Variants in TMEM132B observed in about 807,000 individuals in gnomAD.
TMEM132B encodes transmembrane protein 132B.
Under a neutral mutation model 90.8 loss-of-function variants are expected in TMEM132B, and 18 were observed. The observed-to-expected ratio is 0.20, with a 90% CI of 0.14 to 0.29. The LOEUF (loss-of-function observed/expected upper bound fraction) is 0.29. TMEM132B is among the 10% of genes least tolerant of loss of function. The pLI is 1.00. For synonymous variants in TMEM132B, 504 were observed against 523.3 expected (o/e 0.96, Z 0.50); for missense variants, 1,096 against 1,326.8 (o/e 0.83, Z 2.70).
At chr12:125,226,665 C>T (rs1873687887) in intron 1 of TMEM132B, among the ~76,000 whole-genome samples, 1 of 152,218 alleles carries the variant, frequency 6.6e-6, no homozygotes, top group Non-Finnish European at 1.5e-5. Context: ...CTGAGCATTG[C>T]TGGTTCCCTT....
chr12:125,472,743 G>C (rs1326766017), intron 3 of TMEM132B, among the ~76,000 whole-genome samples: 1 of 152,180 alleles, frequency 6.6e-6, no homozygotes, highest in African/African-American at 2.4e-5. Context: ...GAGGCACTGA[G>C]AAGGCACCAC....
At chr12:125,576,161 A>C in intron 4 of TMEM132B, among the ~76,000 whole-genome samples, 1 of 152,090 alleles carries the variant, frequency 6.6e-6, no homozygotes, top group East Asian at 1.9e-4. Context: ...TTTTTTCAAC[A>C]ATACTTTGTG....
chr12:125,269,953 G>C (rs1874788037), intron 1 of TMEM132B, among the ~76,000 whole-genome samples: 1 of 151,938 alleles, frequency 6.6e-6, no homozygotes, highest in Admixed American at 6.6e-5. Context: ...AAAAGAGCAA[G>C]GGGATCACTT....
intron 1 of TMEM132B, among the ~76,000 whole-genome samples, chr12:125,314,623 G>A (rs562042588): frequency 7.2e-5 from 11 of 152,106 alleles, no homozygotes; most frequent in Non-Finnish European, 1.3e-4. Flanking sequence ...ACTGGGAACC[G>A]CACAAGAGGT....
chr12:125,231,891 C>CG (rs925681054), intron 1 of TMEM132B, among the ~76,000 whole-genome samples: 3 of 151,964 alleles, frequency 2.0e-5, no homozygotes, highest in East Asian at 3.9e-4. Flanking sequence ...GTGTCCCCCC[C>CG]CCACCAAAAC....
chr12:125,559,192 C>T (rs371555726), intron 4 of TMEM132B, among the ~76,000 whole-genome samples: 1 of 151,998 alleles, frequency 6.6e-6, no homozygotes, highest in East Asian at 1.9e-4. Flanking sequence ...ATGGTGAGAC[C>T]CTCTCTCTAC....
chr12:125,378,128 G>A (rs767889144), intron 2 of TMEM132B, among the ~76,000 whole-genome samples: 8 of 152,104 alleles, frequency 5.3e-5, no homozygotes, highest in African/African-American at 1.2e-4. Flanking sequence ...GTGATGGGCC[G>A]CCCAGCTGGG....
Position 125,654,566 on chromosome 12 carries a change from C to T in TMEM132B, c.3108C>T (p.Thr1036=). The T allele has an allele frequency of 1.2e-6, 2 of 1,614,190 alleles. No homozygotes were observed. Among genetic ancestry groups the T allele is most frequent in the East Asian group, 4.5e-5 (2 of 44,880 alleles). ...GAGTCAAGTTCACTTCCTACACCAC[C>T]ATCCTCCCAGAGGACGGCGGCCCAT... is the stretch of plus-strand genomic sequence containing the variant. The part of the protein sequence containing the change: ...RKRVKFTSYT[T]ILPEDGGPYT... The change falls in exon 9 of 9, where the codon ACC becomes ACT. Residue 1036 remains threonine, a synonymous_variant. Coordinates refer to ENST00000682704, the MANE Select transcript of TMEM132B (RefSeq NM_001366854.1). The surrounding 1 kb of genome is among the most constrained non-coding windows in gnomAD (Gnocchi z 5.8).
At chr12:125,258,614 C>A (rs1874492372) in intron 1 of TMEM132B, among the ~76,000 whole-genome samples, 1 of 152,024 alleles carries the variant, frequency 6.6e-6, no homozygotes, top group Admixed American at 6.6e-5. Context: ...TTGTATGGCA[C>A]CCTGCTGGTC....
intron 2 of TMEM132B, among the ~76,000 whole-genome samples, chr12:125,364,721 TC>T (rs1385648754): frequency 6.6e-6 from 1 of 152,124 alleles, no homozygotes; most frequent in Non-Finnish European, 1.5e-5. Context: ...ATCTTGCACA[TC>T]CCTTGTTAAC....
At chr12:125,260,029 G>A (rs1250508729) in intron 1 of TMEM132B, among the ~76,000 whole-genome samples, 1 of 152,168 alleles carries the variant, frequency 6.6e-6, no homozygotes, top group African/African-American at 2.4e-5. Flanking sequence ...CATGGAATGA[G>A]CCCATGGATG....
intron 5 of TMEM132B, among the ~76,000 whole-genome samples, chr12:125,619,166 A>T (rs1886059353): frequency 6.6e-6 from 1 of 152,010 alleles, no homozygotes; most frequent in Non-Finnish European, 1.5e-5. Flanking sequence ...TACTTGCTGG[A>T]TAAAGGGAGC....
At position 125,655,159 on chromosome 12, in the gene TMEM132B, T is replaced by C. The variant is rs540985256; in HGVS notation, c.*449T>C. 10 of 160,772 alleles carry C rather than the reference T, an allele frequency of 6.2e-5. No individual in the cohort carries two copies. The South Asian group carries it at 1.8e-3, about 29-fold the overall frequency. The allele number at this position is 160,772 out of a possible 1,614,324, so 10.0% of individuals were successfully genotyped here. A position where few individuals can be genotyped will look rare whatever the true frequency, so the allele number is the denominator to read the frequency against. ...AGATGACTGAATGTAGCTATCCTGATTTGTCATGAGCGCTGCTCATTATTT... is the reference window on the plus strand; with the variant it reads ...AGATGACTGAATGTAGCTATCCTGACTTGTCATGAGCGCTGCTCATTATTT... On this transcript the variant is annotated 3_prime_UTR_variant, in exon 9 of 9. Transcript: ENST00000682704.
intron 1 of TMEM132B, among the ~76,000 whole-genome samples, chr12:125,321,840 G>A (rs368278336): frequency 1.3e-5 from 2 of 151,366 alleles, no homozygotes; most frequent in South Asian, 2.1e-4. Context: ...TCCACTGCTA[G>A]ATATCTACTT....
intron 4 of TMEM132B, among the ~76,000 whole-genome samples, chr12:125,566,991 C>T (rs919926572): frequency 6.6e-6 from 1 of 151,836 alleles, no homozygotes; most frequent in African/African-American, 2.4e-5. Flanking sequence ...TTACAGGTGC[C>T]CACCACCACA....
intron 1 of TMEM132B, among the ~76,000 whole-genome samples, chr12:125,314,565 C>G (rs887523506): frequency 6.6e-6 from 1 of 152,140 alleles, no homozygotes; most frequent in Non-Finnish European, 1.5e-5. Flanking sequence ...GCTACTACTT[C>G]CTGGAAGAGA....
intron 2 of TMEM132B, among the ~76,000 whole-genome samples, chr12:125,410,461 TG>T (rs1302035613): frequency 1.3e-4 from 1 of 7,432 alleles, no homozygotes; most frequent in Non-Finnish European, 2.7e-4. Context: ...TGGAGTGGAG[TG>T]GAGTGGAGTG....
chr12:125,311,712 A>G (rs1474048441), intron 1 of TMEM132B, among the ~76,000 whole-genome samples: 1 of 152,236 alleles, frequency 6.6e-6, no homozygotes, highest in Non-Finnish European at 1.5e-5. Flanking sequence ...GCCTCTGCAC[A>G]GAACCCCAAC....
intron 2 of TMEM132B, among the ~76,000 whole-genome samples, chr12:125,376,247 G>A (rs1415555960): frequency 2.0e-5 from 3 of 151,996 alleles, no homozygotes; most frequent in Admixed American, 6.6e-5. Flanking sequence ...CTTATTTTAG[G>A]GTTTTCTTCT....
Sources: allele counts gnomAD v4.1 joint callset (sites outside exome capture counted in the v4.1 genomes callset), GRCh38; gene constraint gnomAD v4.1.1; non-coding constraint Gnocchi (gnomAD v3.1); transcripts MANE v1.5; gene names NCBI Gene and HGNC (gene_info 2026-07-23, HGNC 2026-07-21).